The following DYM variants were observed in gnomAD, a reference collection of about 807,000 sequenced individuals.
DYM encodes dyggve-Melchior-Clausen syndrome protein.
Under a neutral mutation model 93.1 loss-of-function variants are expected in DYM, and 78 were observed. The observed-to-expected ratio is 0.84, with a 90% CI of 0.70 to 1.01. The LOEUF is 1.01. DYM is among the 50% of genes least tolerant of loss of function. DYM has a pLI of 0.00. For synonymous variants in DYM, 321 were observed against 319.7 expected (o/e 1.00, Z -0.04); for missense variants, 789 against 845.0 (o/e 0.93, Z 0.82).
intron 8 of DYM, among the ~76,000 whole-genome samples, chr18:49,327,179 T>A (rs2062960064): frequency 6.6e-6 from 1 of 152,122 alleles, no homozygotes; most frequent in Non-Finnish European, 1.5e-5. Flanking sequence ...TTTTGTGATA[T>A]TTTTATTTTG....
intron 14 of DYM, among the ~76,000 whole-genome samples, chr18:49,177,601 T>C (rs2089522422): frequency 6.6e-6 from 1 of 152,156 alleles, no homozygotes; most frequent in African/African-American, 2.4e-5. Context: ...ATTAGCTTCA[T>C]CACTATAAAA....
intron 8 of DYM, among the ~76,000 whole-genome samples, chr18:49,302,118 AC>A (rs2060975453): frequency 6.6e-6 from 1 of 152,262 alleles, no homozygotes; most frequent in Admixed American, 6.5e-5. Context: ...TGACAATGAT[AC>A]AAAAAAAGCT....
intron 11 of DYM, among the ~76,000 whole-genome samples, chr18:49,258,781 G>GACACACAC (rs61429427): frequency 2.2e-4 from 25 of 112,412 alleles, no homozygotes; most frequent in East Asian, 1.2e-3. Flanking sequence ...AGGGATCATA[G>GACACACAC]ACACACACAC....
rs533369220 is a variant in DYM at position 49,038,135 on chromosome 18, T to C, written c.*5920A>G. Among the ~76,000 whole-genome samples the C allele has an allele frequency of 6.6e-6, 1 of 152,352 alleles. No individual in the cohort carries two copies. The highest frequency in any genetic ancestry group is 2.1e-4 in the South Asian group (1 of 4,830). ...CCACTGTGCCTAGCCTGTTGAAACC[T>C]TTATAGCCCAGTATTTTGGAGTGTG... is the stretch of plus-strand genomic sequence containing the variant. On this transcript the variant is annotated 3_prime_UTR_variant, in exon 18 of 18. Coordinates refer to ENST00000675505, the MANE Select transcript of DYM (RefSeq NM_001353214.3).
intron 2 of DYM, among the ~76,000 whole-genome samples, chr18:49,393,099 A>G (rs868352497): frequency 0.064 from 85 of 1,326 alleles, 12 homozygotes; most frequent in East Asian, 0.12. Context: ...GAGGGAAGGA[A>G]GGAAGGAAGG....
chr18:49,253,691 G>A (rs2094335216), intron 13 of DYM, among the ~76,000 whole-genome samples: 1 of 152,168 alleles, frequency 6.6e-6, no homozygotes, highest in Non-Finnish European at 1.5e-5. Context: ...CTGGCAGCAT[G>A]TGGGAGCTGG....
chr18:49,193,880 G>A (rs2091206522), intron 14 of DYM, among the ~76,000 whole-genome samples: 1 of 152,124 alleles, frequency 6.6e-6, no homozygotes, highest in Non-Finnish European at 1.5e-5. Context: ...TGTAATAAAT[G>A]TTATTTCCAT....
intron 17 of DYM, among the ~76,000 whole-genome samples, chr18:49,072,751 G>T (rs1203424656): frequency 6.6e-6 from 1 of 152,172 alleles, no homozygotes; most frequent in Non-Finnish European, 1.5e-5. Context: ...GCTTATCATT[G>T]CTGAGACAGA....
intron 13 of DYM, among the ~76,000 whole-genome samples, chr18:49,213,688 T>C (rs1964408336): frequency 2.0e-5 from 3 of 152,336 alleles, no homozygotes; most frequent in South Asian, 4.1e-4. Context: ...AGTTAACCTT[T>C]ACCTAGACTG....
intron 3 of DYM, among the ~76,000 whole-genome samples, chr18:49,380,775 G>A (rs889936132): frequency 6.6e-6 from 1 of 152,182 alleles, no homozygotes; most frequent in African/African-American, 2.4e-5. Flanking sequence ...AAGGCTAAGC[G>A]CTGAGCTTAA....
intron 17 of DYM, among the ~76,000 whole-genome samples, chr18:49,073,745 G>A (rs1401241315): frequency 6.6e-6 from 1 of 152,114 alleles, no homozygotes; most frequent in Non-Finnish European, 1.5e-5. Context: ...CAAGGAATGG[G>A]GGAATGCCAA....
chr18:49,333,848 A>G lies in DYM; in HGVS notation c.500T>C (p.Ile167Thr), dbSNP rs75854087. 26 of 1,609,310 alleles carry G rather than the reference A, an allele frequency of 1.6e-5. No individual in the cohort carries two copies. In the East Asian group the frequency reaches 2.9e-4, roughly 18 times the overall value. The change falls in exon 7 of 18, where the codon ATT becomes ACT. Residue 167 changes from isoleucine to threonine, a missense_variant. Transcript: ENST00000675505. ...QLITDIPLLD[I>T]TYEISVEAIS... ...AGCTTCTACTGATATTTCATATGTA[A>G]TATCTCTAAAATGGAAGAAAAACAG...
intron 13 of DYM, among the ~76,000 whole-genome samples, chr18:49,237,315 T>C (rs926132951): frequency 6.6e-6 from 1 of 152,218 alleles, no homozygotes; most frequent in Admixed American, 6.5e-5. Context: ...TCGTAATATA[T>C]GGCATTAGCA....
In DYM at chr18:49,412,742, T is replaced by C. The variant is rs1431413270; in HGVS notation, c.140+17513A>G. Among the ~76,000 whole-genome samples, 5 of 152,274 alleles carry C rather than the reference T, an allele frequency of 3.3e-5. No homozygotes were observed. In the East Asian group the frequency reaches 9.6e-4, roughly 29 times the overall value. On this transcript the variant is annotated intron_variant, in intron 2 of 17. Transcript: ENST00000675505. Reference sequence around the variant, plus strand: ...AAGTGTGCCAAAGAGCCTAAAAATATAGAAACAGAGACAGGCATCAAAGAT... The same window carrying C: ...AAGTGTGCCAAAGAGCCTAAAAATACAGAAACAGAGACAGGCATCAAAGAT...
At chr18:49,207,903 C>A (rs1421150324) in intron 14 of DYM, among the ~76,000 whole-genome samples, 1 of 152,066 alleles carries the variant, frequency 6.6e-6, no homozygotes, top group Non-Finnish European at 1.5e-5. Context: ...GTAAGGTCGA[C>A]CGGGTGTAGT....
At chr18:49,245,095 C>T (rs1039333522) in intron 13 of DYM, among the ~76,000 whole-genome samples, 5 of 152,182 alleles carry the variant, frequency 3.3e-5, no homozygotes, top group Non-Finnish European at 7.3e-5. Flanking sequence ...ATTTCATGGA[C>T]ATTTATCACT....
intron 8 of DYM, among the ~76,000 whole-genome samples, chr18:49,301,277 T>C (rs979197835): frequency 6.6e-6 from 1 of 152,124 alleles, no homozygotes; most frequent in Non-Finnish European, 1.5e-5. Flanking sequence ...TCCCAGCATT[T>C]TGGGAGGCCG....
At chr18:49,139,490 T>C (rs1005318221) in intron 15 of DYM, among the ~76,000 whole-genome samples, 1 of 152,206 alleles carries the variant, frequency 6.6e-6, no homozygotes, top group Non-Finnish European at 1.5e-5. Context: ...TATCCATTTT[T>C]AAAACTACTG....
intron 2 of DYM, among the ~76,000 whole-genome samples, chr18:49,425,853 C>G (rs1167785460): frequency 6.6e-6 from 1 of 152,172 alleles, no homozygotes; most frequent in African/African-American, 2.4e-5. Context: ...GAAATACCAT[C>G]TCACACCAGT....
Sources: gnomAD v4.1 joint callset for allele counts (sites outside exome capture counted in the v4.1 genomes callset) on GRCh38, gnomAD v4.1.1 for gene constraint, MANE v1.5 for transcripts, NCBI Gene and HGNC (gene_info 2026-07-23, HGNC 2026-07-21) for gene names.